The following LRP1B variants were observed in gnomAD, a reference collection of about 807,000 sequenced individuals.
LRP1B encodes low-density lipoprotein receptor-related protein 1B.
A neutral mutation model predicts 556.6 loss-of-function variants in LRP1B; 217 were observed. That is an observed-to-expected ratio of 0.39 (90% confidence interval 0.35 to 0.44). LRP1B has a LOEUF of 0.44. Among genes scored for constraint, LRP1B ranks in the 20% least tolerant of loss-of-function variants. LRP1B has a pLI of 1.00. For missense variants in LRP1B, 5,053 were observed against 5,620.8 expected, an observed-to-expected ratio of 0.90 and a Z score of 3.23; for synonymous variants, 2,047 against 1,865.8, an observed-to-expected ratio of 1.10 and a Z score of -2.50.
chr2:140,565,879 A>T (rs1681106303), intron 43 of LRP1B, among the ~76,000 whole-genome samples: 1 of 152,088 alleles, frequency 6.6e-6, no homozygotes, highest in South Asian at 2.1e-4. Flanking sequence ...GGATCCCAGT[A>T]GCTCCCATTA....
chr2:141,163,446 T>C (rs1033770420), intron 7 of LRP1B, among the ~76,000 whole-genome samples: 2 of 152,096 alleles, frequency 1.3e-5, no homozygotes, highest in Non-Finnish European at 2.9e-5. Context: ...TTTGGGAATT[T>C]ACACTGGATT....
chr2:140,665,713 T>C (rs114588038), intron 41 of LRP1B, among the ~76,000 whole-genome samples: 4,446 of 152,234 alleles, frequency 0.029, 99 homozygotes, highest in South Asian at 0.046. Context: ...TGATGGCATA[T>C]TCCCTGAGAA....
chr2:141,285,804 C>A (rs558572671), intron 3 of LRP1B, among the ~76,000 whole-genome samples: 3 of 146,752 alleles, frequency 2.0e-5, no homozygotes, highest in Admixed American at 6.7e-5. Flanking sequence ...CGGTGGCTCA[C>A]GCCTGTAATC....
chr2:141,648,287 C>T, intron 2 of LRP1B, among the ~76,000 whole-genome samples: 1 of 151,982 alleles, frequency 6.6e-6, no homozygotes, highest in African/African-American at 2.4e-5. Context: ...AAGTATCAGA[C>T]TATTTCACTT....
chr2:141,113,926 T>C (rs16845474), intron 7 of LRP1B, among the ~76,000 whole-genome samples: 43,167 of 152,152 alleles, frequency 0.28, 6,593 homozygotes, highest in East Asian at 0.65. Flanking sequence ...AGAAAACTCA[T>C]GCAATTTTAA....
intron 1 of LRP1B, among the ~76,000 whole-genome samples, chr2:141,992,847 T>C (rs373065962): frequency 1.3e-5 from 2 of 152,124 alleles, no homozygotes; most frequent in African/African-American, 4.8e-5. Context: ...CTAAAGACTA[T>C]AAAGTTGTTT....
At chr2:140,409,680 T>G (rs1184283006) in intron 66 of LRP1B, among the ~76,000 whole-genome samples, 1 of 145,952 alleles carries the variant, frequency 6.9e-6, no homozygotes, top group Non-Finnish European at 1.5e-5. Context: ...TCATGTAATC[T>G]TCTCAGCAAT....
At chr2:140,616,490 T>TTC (rs1683261463) in intron 41 of LRP1B, among the ~76,000 whole-genome samples, 5 of 151,510 alleles carry the variant, frequency 3.3e-5, no homozygotes, top group African/African-American at 1.2e-4. Context: ...CAGTCTTTTT[T>TTC]TTTTTTTTTA....
At chr2:140,440,918 TCAAATAACC>T (rs1686398587) in intron 66 of LRP1B, among the ~76,000 whole-genome samples, 3 of 152,128 alleles carry the variant, frequency 2.0e-5, no homozygotes, top group African/African-American at 7.2e-5. Context: ...TGCTTTGGTG[TCAAATAACC>T]CTGTTATTTG....
chr2:141,656,877 A>C (rs890469751), intron 2 of LRP1B, among the ~76,000 whole-genome samples: 2 of 152,120 alleles, frequency 1.3e-5, no homozygotes, highest in African/African-American at 4.8e-5. Flanking sequence ...GTTTTAATAC[A>C]TACAAAGATA....
At chr2:140,822,935 A>G (rs988670511) in intron 31 of LRP1B, among the ~76,000 whole-genome samples, 1 of 152,216 alleles carries the variant, frequency 6.6e-6, no homozygotes, top group Non-Finnish European at 1.5e-5. Context: ...CTTCTTCCAG[A>G]AATAATTGTT....
At chr2:141,350,199 G>A (rs958970816) in intron 3 of LRP1B, among the ~76,000 whole-genome samples, 16 of 152,040 alleles carry the variant, frequency 1.1e-4, no homozygotes, top group African/African-American at 3.9e-4. Context: ...GATTTGGGTG[G>A]GGACACAGAG....
intron 6 of LRP1B, among the ~76,000 whole-genome samples, chr2:141,211,231 G>A (rs1044059982): frequency 5.3e-5 from 8 of 150,208 alleles, no homozygotes; most frequent in African/African-American, 7.3e-5. Context: ...CAGGTGATCC[G>A]CCTACCTCAG....
chr2:141,800,872 A>G (rs577163292), intron 2 of LRP1B, among the ~76,000 whole-genome samples: 8 of 152,334 alleles, frequency 5.3e-5, no homozygotes, highest in African/African-American at 1.9e-4. Context: ...CTGCTGATTG[A>G]TTGAATGGTT....
chr2:141,229,183 T>G lies in LRP1B; in HGVS notation c.850A>C (p.Asn284His), dbSNP rs764085268. The change falls in exon 6 of 91, where the codon AAT (asparagine) becomes CAT (histidine). Residue 284 changes from asparagine to histidine, a missense_variant and splice_region_variant. Physicochemically the swap from Asn to His is moderately conservative, Grantham distance 68. Around this residue, in one of 5 missense-constraint regions of LRP1B, gnomAD observed 3,619 missense variants for 3,931.9 expected, o/e 0.92. Coordinates refer to ENST00000389484, the MANE Select transcript of LRP1B (RefSeq NM_018557.3). ...WTINILQSFHNVQQMAIDWLT... is the reference protein window; with the variant it reads ...WTINILQSFHHVQQMAIDWLT... ...TATAATATTTAATTGAAACACTTACTGTGGAAGGATTGAAGAATATTGATT... is the reference window on the plus strand; with the variant it reads ...TATAATATTTAATTGAAACACTTACGGTGGAAGGATTGAAGAATATTGATT... The G allele has an allele frequency of 6.2e-7, 1 of 1,612,896 alleles. No individual in the cohort carries two copies. Among genetic ancestry groups the G allele is most frequent in the Non-Finnish European group, 8.5e-7 (1 of 1,179,370 alleles).
chr2:141,694,098 G>T (rs12990290), intron 2 of LRP1B, among the ~76,000 whole-genome samples: 3 of 152,062 alleles, frequency 2.0e-5, no homozygotes, highest in African/African-American at 7.2e-5. Context: ...AGTGGTCCAC[G>T]GTCTGCCATT....
chr2:141,176,076 T>C lies in LRP1B; in HGVS notation c.1013+12345A>G, dbSNP rs72980142. On this transcript the variant is annotated intron_variant, in intron 7 of 90. Coordinates refer to ENST00000389484, the MANE Select transcript of LRP1B (RefSeq NM_018557.3). ...TTACCCAATGCCTGTACCTCCATTG[T>C]ATCTTGGATATAACGAATTTGTTTT... 2.0e-3 allele frequency among the ~76,000 whole-genome samples: 310 copies of C among 152,272 alleles called. 1 individual carries two copies. The highest frequency in any genetic ancestry group is 7.0e-3 in the African/African-American group (293 of 41,574).
chr2:142,110,809 G>A lies in LRP1B; in HGVS notation c.82+19839C>T, dbSNP rs377503088. On this transcript the variant is annotated intron_variant, in intron 1 of 90. Transcript: ENST00000389484. ...CATCTTATATTTACTGTATCATGAT[G>A]AACAACCTATTGTAAATTGGTTCTC... is the stretch of plus-strand genomic sequence containing the variant. Among the ~76,000 whole-genome samples the A allele has an allele frequency of 2.0e-5, 3 of 152,210 alleles. 1 individual carries two copies. The East Asian group carries it at 5.8e-4, about 29-fold the overall frequency.
intron 3 of LRP1B, among the ~76,000 whole-genome samples, chr2:141,309,887 A>G (rs1686746138): frequency 1.3e-5 from 2 of 152,042 alleles, no homozygotes; most frequent in African/African-American, 4.8e-5. Context: ...AATGAGAGAG[A>G]GAGAAAAAAG....
Sources: allele counts gnomAD v4.1 joint callset (sites outside exome capture counted in the v4.1 genomes callset), GRCh38; gene constraint gnomAD v4.1.1; regional missense constraint gnomAD v4.1.1; transcripts MANE v1.5; gene names NCBI Gene and HGNC (gene_info 2026-07-23, HGNC 2026-07-21).